The following PPT1 variants were observed in gnomAD, a reference collection of about 807,000 sequenced individuals.
The protein encoded by PPT1 is palmitoyl-protein thioesterase 1.
Under a neutral mutation model 44.0 loss-of-function variants are expected in PPT1, and 24 were observed. The observed-to-expected ratio is 0.54, with a 90% CI of 0.39 to 0.77. The LOEUF (loss-of-function observed/expected upper bound fraction) is 0.77, where lower values mean the gene tolerates loss of function less well. Among genes scored for constraint, PPT1 ranks in the 30% least tolerant of loss-of-function variants. The probability of loss-of-function intolerance (pLI) is 0.00; values close to 1 mark genes in which losing one functional copy is unlikely to be tolerated. For synonymous variants in PPT1, 148 were observed against 140.2 expected (o/e 1.06, Z -0.39); for missense variants, 341 against 378.8 (o/e 0.90, Z 0.83).
In PPT1 at chr1:40,080,494, GAAAA is replaced by G. The variant is rs760997725; in HGVS notation, c.537-11_537-8del. ...GTATTCGGCTTGCACGAGGCTGTAGGAAAAAAAAAGAATGAGGTGATCAAGCTAC... is the reference window on the plus strand; with the variant it reads ...GTATTCGGCTTGCACGAGGCTGTAGGAAAAAGAATGAGGTGATCAAGCTAC... On this transcript the variant is annotated splice_polypyrimidine_tract_variant and splice_region_variant and intron_variant, in intron 5 of 8. Coordinates refer to ENST00000642050, the MANE Select transcript of PPT1 (RefSeq NM_000310.4). 1 of 1,602,680 alleles carries G rather than the reference GAAAA, an allele frequency of 6.2e-7. No individual in the cohort carries two copies. Among genetic ancestry groups the G allele is most frequent in the South Asian group, 1.1e-5 (1 of 90,852 alleles).
intron 5 of PPT1, among the ~76,000 whole-genome samples, chr1:40,086,398 G>C (rs894529883): frequency 6.6e-6 from 1 of 152,288 alleles, no homozygotes; most frequent in East Asian, 1.9e-4. Flanking sequence ...ATGCCAAGCC[G>C]GGGGCTTCCC....
At chr1:40,091,470 A>G in intron 3 of PPT1, 71 bp from the exon 4 acceptor site, 3 of 1,383,170 alleles carry the variant, frequency 2.2e-6, no homozygotes, top group Non-Finnish European at 2.0e-6. Flanking sequence ...AGCATCACAG[A>G]TTAAGCTAGT....
chr1:40,091,839 TG>T (rs1422617307), intron 3 of PPT1, among the ~76,000 whole-genome samples: 1 of 145,642 alleles, frequency 6.9e-6, no homozygotes, highest in Non-Finnish European at 1.5e-5. Context: ...CACTCCAGCC[TG>T]GGCAACAAGA....
intron 5 of PPT1, among the ~76,000 whole-genome samples, chr1:40,084,899 A>G (rs1417814995): frequency 6.6e-6 from 1 of 152,200 alleles, no homozygotes; most frequent in Non-Finnish European, 1.5e-5. Context: ...GTCTAGCGGT[A>G]ATGCCAGCGT....
At chr1:40,080,260 CT>C in intron 6 of PPT1, 136 bp downstream of exon 6, 1 of 914,150 alleles carries the variant, frequency 1.1e-6, no homozygotes, top group Non-Finnish European at 1.8e-6. Flanking sequence ...AAGGCCCTGC[CT>C]CCCAAAAAAA....
chr1:40,094,175 A>G (rs1032426913), intron 1 of PPT1, among the ~76,000 whole-genome samples: 8 of 152,196 alleles, frequency 5.3e-5, no homozygotes, highest in African/African-American at 1.9e-4. Context: ...GACTAGGGTG[A>G]GGCAAATTAA....
At chr1:40,091,481 C>T in intron 3 of PPT1, 82 bp from the exon 4 acceptor site, 1 of 1,300,668 alleles carries the variant, frequency 7.7e-7, no homozygotes, top group Non-Finnish European at 1.1e-6. Flanking sequence ...TTAAGCTAGT[C>T]ATCCTCTGTG....
intron 6 of PPT1, 45 bp downstream of exon 6, chr1:40,080,352 A>T: frequency 6.4e-7 from 1 of 1,562,534 alleles, no homozygotes; most frequent in Non-Finnish European, 8.8e-7. Context: ...AGACCTAAAC[A>T]GGAAAAAGAA....
At chr1:40,091,633 G>A (rs1649568302) in intron 3 of PPT1, among the ~76,000 whole-genome samples, 1 of 152,146 alleles carries the variant, frequency 6.6e-6, no homozygotes. Context: ...GGAGGCTGAG[G>A]TGGGTGGACT....
chr1:40,080,539 C>T, intron 5 of PPT1, 52 bp from the exon 6 acceptor site: 5 of 1,555,574 alleles, frequency 3.2e-6, no homozygotes, highest in African/African-American at 1.4e-5. Flanking sequence ...AGTCAGTACG[C>T]CCAGGGCATG....
At chr1:40,090,386 G>A (rs914690411) in intron 4 of PPT1, among the ~76,000 whole-genome samples, 3 of 151,886 alleles carry the variant, frequency 2.0e-5, no homozygotes, top group African/African-American at 4.8e-5. Flanking sequence ...GTGCATATGT[G>A]TGTATATATA....
rs141405110 is a variant in PPT1 at position 40,074,126 on chromosome 1, C to T, written c.856G>A (p.Glu286Lys). 33 of 1,614,090 alleles carry T rather than the reference C, an allele frequency of 2.0e-5. No individual in the cohort carries two copies. In the South Asian group the frequency reaches 2.3e-4, roughly 11 times the overall value. ...TCAGACAACTGAAGATGGTCCCCTT[C>T]TGTAGCCAGAAACACTAGCTGTCCT... ...NAGQLVFLAT[E>K]GDHLQLSEEW... is the part of the protein sequence containing the mutation. The change falls in exon 9 of 9, where the codon GAA (glutamate) becomes AAA (lysine). Residue 286 changes from glutamate (E) to lysine (K), a missense_variant. Transcript: ENST00000642050.
chr1:40,074,888 C>T (rs750475904), intron 8 of PPT1, among the ~76,000 whole-genome samples: 11 of 152,176 alleles, frequency 7.2e-5, no homozygotes, highest in Non-Finnish European at 1.2e-4. Context: ...AAGCCATAGA[C>T]GACACTGCCT....
rs144815402 is a variant in PPT1, at chr1:40,083,993, C to T, written c.537-3506G>A. ...AGCCTGGGAGGTTGAGGCTATGTTG[C>T]AGTAAGCTGTAATGGCACCACTGCA... On this transcript the variant is annotated intron_variant, in intron 5 of 8. Transcript: ENST00000642050. 7.0e-4 allele frequency among the ~76,000 whole-genome samples: 107 copies of T among 152,198 alleles called. 2 individuals carry two copies. The highest frequency in any genetic ancestry group is 2.2e-3 in the African/African-American group (90 of 41,514).
intron 5 of PPT1, among the ~76,000 whole-genome samples, chr1:40,085,407 G>A (rs1458657257): frequency 3.9e-5 from 6 of 152,050 alleles, no homozygotes; most frequent in South Asian, 2.1e-4. Flanking sequence ...AAATATCAGC[G>A]CAGCCTGGCA....
At chr1:40,096,648 T>TAA (rs78312262) in intron 1 of PPT1, among the ~76,000 whole-genome samples, 11 of 146,236 alleles carry the variant, frequency 7.5e-5, no homozygotes, top group Non-Finnish European at 1.5e-4. Flanking sequence ...ATGCAAATAT[T>TAA]AAAAAAAAAA....
At chr1:40,084,955 G>A (rs529828749) in intron 5 of PPT1, among the ~76,000 whole-genome samples, 11 of 151,380 alleles carry the variant, frequency 7.3e-5, no homozygotes, top group Non-Finnish European at 1.2e-4. Flanking sequence ...TAGTGGTAGC[G>A]TCAGTGCCAA....
intron 8 of PPT1, among the ~76,000 whole-genome samples, chr1:40,075,652 G>T (rs1352916936): frequency 6.6e-6 from 1 of 151,864 alleles, no homozygotes; most frequent in Non-Finnish European, 1.5e-5. Flanking sequence ...TAGCATTTTG[G>T]AGAGTCTGTC....
intron 5 of PPT1, among the ~76,000 whole-genome samples, chr1:40,081,370 T>C (rs1380515193): frequency 3.9e-5 from 6 of 151,950 alleles, no homozygotes; most frequent in East Asian, 1.9e-4. Context: ...ACCCCGTCTC[T>C]ACTAAAAATA....
Sources: gnomAD v4.1 joint callset for allele counts (sites outside exome capture counted in the v4.1 genomes callset) on GRCh38, gnomAD v4.1.1 for gene constraint, MANE v1.5 for transcripts, NCBI Gene and HGNC (gene_info 2026-07-23, HGNC 2026-07-21) for gene names.